The following NUP210L variants were observed in gnomAD, a reference collection of about 807,000 sequenced individuals.
NUP210L encodes the protein nuclear pore membrane glycoprotein 210-like.
Under a neutral mutation model 208.5 loss-of-function variants are expected in NUP210L, and 74 were observed. That is an observed-to-expected ratio of 0.35 (90% CI 0.29 to 0.43). The LOEUF is 0.43. Among genes scored for constraint, NUP210L ranks in the 20% least tolerant of loss-of-function variants. NUP210L has a pLI of 1.00. For synonymous variants in NUP210L, 780 were observed against 816.9 expected, an observed-to-expected ratio of 0.95 and a Z score of 0.77; for missense variants, 1,843 against 2,289.4, an observed-to-expected ratio of 0.81 and a Z score of 3.98.
chr1:154,027,420 G>T, intron 29 of NUP210L, 86 bp downstream of exon 29: 1 of 932,878 alleles, frequency 1.1e-6, no homozygotes, highest in Non-Finnish European at 1.7e-6. Context: ...TCTCCTAGAA[G>T]GCAAAAGTGT....
chr1:154,115,113 C>G (rs1261412048), intron 12 of NUP210L, among the ~76,000 whole-genome samples: 1 of 152,174 alleles, frequency 6.6e-6, no homozygotes, highest in Non-Finnish European at 1.5e-5. Context: ...TCAATCCATT[C>G]TAATCTACTA....
At chr1:154,152,112 G>T (rs1434664839) in intron 2 of NUP210L, among the ~76,000 whole-genome samples, 1 of 145,716 alleles carries the variant, frequency 6.9e-6, no homozygotes, top group African/African-American at 2.5e-5. Flanking sequence ...AAAAAAGAAA[G>T]AAAGAAAGAA....
At chr1:154,003,954 ATGG>A (rs1650356937) in intron 35 of NUP210L, among the ~76,000 whole-genome samples, 1 of 152,104 alleles carries the variant, frequency 6.6e-6, no homozygotes, top group Non-Finnish European at 1.5e-5. Context: ...TTGGATAATT[ATGG>A]ATAATTAGTC....
At chr1:154,054,377 A>G (rs927293418) in exon 25 of NUP210L, 3 of 1,614,056 alleles carry the variant, frequency 1.9e-6, no homozygotes, top group East Asian at 2.2e-5. Flanking sequence ...TGAACGATGG[A>G]TTGGGGCTGG....
exon 9 of NUP210L, chr1:154,127,405 T>A: frequency 6.4e-7 from 1 of 1,571,810 alleles, no homozygotes; most frequent in Admixed American, 1.7e-5. Flanking sequence ...GTTTCCAGGT[T>A]GGACAGTGAA....
chr1:154,008,606 C>G (rs1376853550), intron 35 of NUP210L, among the ~76,000 whole-genome samples: 6 of 152,148 alleles, frequency 3.9e-5, no homozygotes, highest in Non-Finnish European at 8.8e-5. Context: ...ACTCAGGAGG[C>G]TGAGGCAGGA....
chr1:154,043,384 A>G (rs1256324704), intron 27 of NUP210L, among the ~76,000 whole-genome samples: 1 of 138,764 alleles, frequency 7.2e-6, no homozygotes, highest in African/African-American at 2.7e-5. Context: ...GCGTAATCTC[A>G]GTTCACCACA....
exon 17 of NUP210L, chr1:154,070,345 C>A: frequency 1.2e-6 from 2 of 1,613,598 alleles, no homozygotes; most frequent in Non-Finnish European, 1.7e-6. Flanking sequence ...TCGAAATGGG[C>A]TAGTGTTTCA....
exon 10 of NUP210L, chr1:154,126,366 C>T (rs1657980464): frequency 6.2e-7 from 1 of 1,613,464 alleles, no homozygotes; most frequent in South Asian, 1.1e-5. Context: ...TACCACAACA[C>T]CATCTTTCAG....
chr1:154,082,999 G>A (rs776295214), intron 16 of NUP210L, among the ~76,000 whole-genome samples: 6 of 152,190 alleles, frequency 3.9e-5, no homozygotes, highest in Non-Finnish European at 7.3e-5. Flanking sequence ...CAGGAGTGAA[G>A]CTGCAGACCT....
At chr1:154,097,319 A>C (rs1053627948) in intron 14 of NUP210L, among the ~76,000 whole-genome samples, 1 of 152,222 alleles carries the variant, frequency 6.6e-6, no homozygotes, top group Admixed American at 6.5e-5. Context: ...TTTGTTTTTC[A>C]TCAGGCAAGG....
intron 13 of NUP210L, 81 bp downstream of exon 13, chr1:154,103,927 CAAAG>C: frequency 9.4e-7 from 1 of 1,063,542 alleles, no homozygotes; most frequent in East Asian, 2.4e-5. Context: ...TCCTTAAAGA[CAAAG>C]AAAGTAATCT....
chr1:154,088,698 T>C (rs1440488352), intron 16 of NUP210L, among the ~76,000 whole-genome samples: 1 of 152,192 alleles, frequency 6.6e-6, no homozygotes, highest in Non-Finnish European at 1.5e-5. Flanking sequence ...AGACAGAATG[T>C]GTTCCTTTCT....
intron 27 of NUP210L, among the ~76,000 whole-genome samples, chr1:154,030,265 A>G (rs1441820791): frequency 6.6e-6 from 1 of 152,064 alleles, no homozygotes; most frequent in East Asian, 1.9e-4. Flanking sequence ...AATCACCACT[A>G]AAGGGCTTAC....
chr1:154,046,500 C>T (rs1044234166), intron 25 of NUP210L, 131 bp from the exon 26 acceptor site: 1 of 726,060 alleles, frequency 1.4e-6, no homozygotes, highest in Non-Finnish European at 2.4e-6. Flanking sequence ...CTTATTGCAG[C>T]ACTATTCACA....
Position 154,010,047 on chromosome 1 carries a change from G to A in NUP210L, c.4855C>T (p.Gln1619Ter). 6.2e-7 allele frequency: 1 copy of A among 1,613,826 alleles called. No homozygotes were observed. Among genetic ancestry groups the A allele is most frequent in the African/African-American group, 1.3e-5 (1 of 75,046 alleles). Residue 1619 changes from glutamine (Q) to a stop codon, truncating the protein, a stop_gained, in exon 35 of 40, where the codon CAG (glutamine) becomes TAG (stop). Coordinates refer to ENST00000368559, the Ensembl canonical transcript of NUP210L. LOFTEE classifies it high-confidence loss of function. The stretch of plus-strand genomic sequence containing the variant: ...ATGTCTAGCAAAGTATTACTGAACT[G>A]TACATGGCACAGCATGAGGGTCGCT...
intron 15 of NUP210L, among the ~76,000 whole-genome samples, chr1:154,091,078 T>C (rs1305444265): frequency 1.9e-4 from 12 of 63,104 alleles, no homozygotes; most frequent in African/African-American, 5.3e-4. Flanking sequence ...GCTGTTATTA[T>C]TATTATTATT....
intron 11 of NUP210L, among the ~76,000 whole-genome samples, chr1:154,118,093 T>C (rs1657424664): frequency 6.6e-6 from 1 of 152,170 alleles, no homozygotes; most frequent in South Asian, 2.1e-4. Flanking sequence ...GTGGATTACC[T>C]GACGTCAGAA....
intron 15 of NUP210L, among the ~76,000 whole-genome samples, chr1:154,092,760 T>TGTCA (rs1370005541): frequency 6.6e-6 from 1 of 152,014 alleles, no homozygotes; most frequent in Admixed American, 6.6e-5. Flanking sequence ...GATCTTGCAC[T>TGTCA]GTCACCCAGG....
Sources: gnomAD v4.1 joint callset for allele counts (sites outside exome capture counted in the v4.1 genomes callset) on GRCh38, gnomAD v4.1.1 for gene constraint, MANE v1.5 for transcripts, NCBI Gene and HGNC (gene_info 2026-07-23, HGNC 2026-07-21) for gene names.